DOP1A: variants seen among roughly 807,000 people sequenced by gnomAD.
DOP1A encodes protein DOP1A.
In DOP1A, 90 loss-of-function variants were observed where a neutral mutation model predicts 267.6. The observed-to-expected ratio is 0.34, with a 90% CI of 0.28 to 0.40. DOP1A has a LOEUF of 0.40. Among genes scored for constraint, DOP1A ranks in the 10% least tolerant of loss-of-function variants. The pLI is 1.00. For missense variants in DOP1A, 2,437 were observed against 2,900.4 expected (o/e 0.84, Z 3.67); for synonymous variants, 932 against 999.1 (o/e 0.93, Z 1.27).
chr6:83,152,418 T>A, intron 30 of DOP1A, 51 bp downstream of exon 30: 1 of 850,830 alleles, frequency 1.2e-6, no homozygotes, highest in Non-Finnish European at 1.7e-6. Flanking sequence ...GTTTCATTAT[T>A]AAAAATTAGC....
downstream of DOP1A, chr6:83,168,966 G>C (rs982238502): frequency 2.5e-6 from 3 of 1,204,898 alleles, no homozygotes; most frequent in African/African-American, 1.5e-5. Context: ...ACATAAAACT[G>C]TACAGTTAGT....
At chr6:83,075,972 CA>C (rs1439146371) in intron 1 of DOP1A, among the ~76,000 whole-genome samples, 1 of 151,476 alleles carries the variant, frequency 6.6e-6, no homozygotes, top group Non-Finnish European at 1.5e-5. Flanking sequence ...ACAATAAAAG[CA>C]AAAATAAAAA....
chr6:83,152,349 A>C lies in DOP1A; in HGVS notation c.6111A>C (p.Ala2037=), dbSNP rs779812421. ...NITPSVYSVH[A]LTLLSEVLAH... is the part of the protein sequence containing the mutation. The stretch of plus-strand genomic sequence containing the variant: ...CTCCTTCTGTATATAGTGTCCATGC[A>C]TTGACATTACTCTCTGAGGTAAATA... Residue 2037 remains alanine, a synonymous_variant, in exon 30 of 39, where the codon GCA becomes GCC. Transcript: ENST00000349129. 75 of 1,546,380 alleles carry C rather than the reference A, an allele frequency of 4.9e-5. No homozygotes were observed. In the Admixed American group the frequency reaches 1.4e-3, roughly 30 times the overall value.
intron 1 of DOP1A, among the ~76,000 whole-genome samples, chr6:83,093,863 G>C (rs371730050): frequency 6.6e-6 from 1 of 152,160 alleles, no homozygotes; most frequent in Non-Finnish European, 1.5e-5. Context: ...CCGAGATGGC[G>C]CCACTGCACT....
At chr6:83,099,722 A>G (rs1238975907) in intron 3 of DOP1A, among the ~76,000 whole-genome samples, 1 of 151,370 alleles carries the variant, frequency 6.6e-6, no homozygotes, top group Non-Finnish European at 1.5e-5. Flanking sequence ...ATACATATAT[A>G]TATATATATA....
rs1785712266 is a variant in DOP1A at position 83,072,090 on chromosome 6, C to T, written c.-147+4311C>T. Among the ~76,000 whole-genome samples the T allele has an allele frequency of 3.9e-5, 6 of 152,156 alleles. No homozygotes were observed. In the South Asian group the frequency reaches 1.2e-3, roughly 32 times the overall value. On this transcript the variant is annotated intron_variant, in intron 1 of 38. Transcript: ENST00000349129. ...CGAAGACATTTCTAGACTTTTTCCT[C>T]CTGAGATGACACCTTCTACTCTCCT...
chr6:83,089,241 A>G (rs1023990428), intron 1 of DOP1A, among the ~76,000 whole-genome samples: 5 of 152,200 alleles, frequency 3.3e-5, no homozygotes, highest in African/African-American at 1.2e-4. Context: ...CTCACTTTTT[A>G]TCACCATTTA....
At position 83,129,187 on chromosome 6, in the gene DOP1A, A is replaced by G; in HGVS notation, c.2020A>G (p.Met674Val). Residue 674 changes from methionine to valine, a missense_variant, in exon 16 of 39, where the codon ATG (methionine) becomes GTG (valine). Around this residue, in one of 9 missense-constraint regions of DOP1A, gnomAD observed 498 missense variants for 513.5 expected, o/e 0.97. Transcript: ENST00000349129. Reference protein sequence around the residue: ...RSRKTAQKTAMQCCLEYVQQF... With the variant: ...RSRKTAQKTAVQCCLEYVQQF... Reference sequence around the variant, plus strand: ...TAGGAAGACAGCCCAAAAGACTGCAATGCAGTGCTGCTTGGAGTATGTCCA... The same window carrying G: ...TAGGAAGACAGCCCAAAAGACTGCAGTGCAGTGCTGCTTGGAGTATGTCCA... 6.2e-7 allele frequency: 1 copy of G among 1,613,292 alleles called. No individual in the cohort carries two copies. Among genetic ancestry groups the G allele is most frequent in the Non-Finnish European group, 8.5e-7 (1 of 1,179,590 alleles).
At chr6:83,167,130 T>C (rs1177407368) in intron 38 of DOP1A, 2 of 945,102 alleles carry the variant, frequency 2.1e-6, no homozygotes, top group Admixed American at 6.2e-5. Flanking sequence ...ACCTTCTCAT[T>C]TGACTTCTCT....
At chr6:83,134,640 T>C (rs1778603124) in intron 19 of DOP1A, among the ~76,000 whole-genome samples, 1 of 152,144 alleles carries the variant, frequency 6.6e-6, no homozygotes, top group South Asian at 2.1e-4. Flanking sequence ...TCTCAAGCAA[T>C]TATTTTCAAT....
rs142953836 is a variant in DOP1A at position 83,140,465 on chromosome 6, A to G, written c.5415+62A>G. ...GTCTGAGGACCTTCCCAAAGATTAT[A>G]TTCAGAATATGTGAATAATTTGTGT... is the stretch of plus-strand genomic sequence containing the variant. On this transcript the variant is annotated intron_variant, in intron 23 of 38. Coordinates refer to ENST00000349129, the MANE Select transcript of DOP1A (RefSeq NM_015018.4). 1,201 of 1,274,908 alleles carry G rather than the reference A, an allele frequency of 9.4e-4. 1 individual carries two copies. Among genetic ancestry groups the G allele is most frequent in the Middle Eastern group, 1.7e-3 (9 of 5,162 alleles). 79.0% of individuals were successfully genotyped at this position (1,274,908 alleles called of 1,614,324 possible). A position where few individuals can be genotyped will look rare whatever the true frequency, so the allele number is the denominator to read the frequency against.
intron 33 of DOP1A, among the ~76,000 whole-genome samples, chr6:83,155,658 C>G (rs987655267): frequency 2.6e-5 from 4 of 152,132 alleles, no homozygotes; most frequent in African/African-American, 9.7e-5. Context: ...CAGATGGCCT[C>G]AAATATTAAA....
At chr6:83,151,810 A>T in intron 28 of DOP1A, 73 bp from the exon 29 acceptor site, 2 of 1,485,118 alleles carry the variant, frequency 1.3e-6, no homozygotes, top group East Asian at 2.3e-5. Flanking sequence ...ATTATCAGAA[A>T]TATAAACTAC....
downstream of DOP1A, chr6:83,170,421 G>C: frequency 6.2e-7 from 1 of 1,614,038 alleles, no homozygotes; most frequent in Non-Finnish European, 8.5e-7. Context: ...TGTAATCCTG[G>C]GGGTGTAACT....
At chr6:83,165,932 C>CTG in intron 38 of DOP1A, 1 of 387,242 alleles carries the variant, frequency 2.6e-6, no homozygotes, top group Non-Finnish European at 5.2e-6. Flanking sequence ...GTGGATCAGA[C>CTG]TGGCAGCAAA....
In DOP1A at chr6:83,153,929, A is replaced by G. The variant is rs1562374080; in HGVS notation, c.6275A>G (p.Gln2092Arg). The G allele has an allele frequency of 1.2e-6, 2 of 1,613,724 alleles. No individual in the cohort carries two copies. Among genetic ancestry groups the G allele is most frequent in the Non-Finnish European group, 1.7e-6 (2 of 1,179,926 alleles). Residue 2092 changes from glutamine to arginine, a missense_variant, in exon 32 of 39, where the codon CAG becomes CGG. By Grantham distance (43) the Gln-to-Arg change is conservative. Coordinates refer to ENST00000349129, the MANE Select transcript of DOP1A (RefSeq NM_015018.4). ...HNAPSYRACV[Q>R]LLSSLSGYQY... ...GCCCCTAGTTATCGAGCTTGTGTCC[A>G]GCTGCTCAGCAGTCTTAGTGGGTAT...
In DOP1A at chr6:83,168,226, C is replaced by T; in HGVS notation, c.*59C>T. ...AATGTAATTATTTAAAACACACACA[C>T]TGCTCTGCGTTGTATAGTTTTTCCT... On this transcript the variant is annotated 3_prime_UTR_variant, in exon 39 of 39. Transcript: ENST00000349129. 6.5e-7 allele frequency: 1 copy of T among 1,545,964 alleles called. No individual in the cohort carries two copies. The highest frequency in any genetic ancestry group is 8.7e-7 in the Non-Finnish European group (1 of 1,153,052).
chr6:83,070,445 A>G (rs186813460), intron 1 of DOP1A, among the ~76,000 whole-genome samples: 76 of 152,292 alleles, frequency 5.0e-4, no homozygotes, highest in African/African-American at 1.7e-3. Context: ...CAAATTTATT[A>G]AGGAAAAATT....
At position 83,152,430 on chromosome 6, in the gene DOP1A, A is replaced by C. The variant is rs1781874135; in HGVS notation, c.6129+63A>C. The C allele has an allele frequency of 6.9e-6, 5 of 721,340 alleles. No homozygotes were observed. In the South Asian group the frequency reaches 1.6e-4, roughly 23 times the overall value. 44.7% of individuals were successfully genotyped at this position (721,340 alleles called of 1,614,324 possible). On this transcript the variant is annotated intron_variant, in intron 30 of 38. Coordinates refer to ENST00000349129, the MANE Select transcript of DOP1A (RefSeq NM_015018.4). Reference sequence around the variant, plus strand: ...ACTGTTTCATTATTAAAAATTAGCAAGTAATTTTTATAGAGGAATTTCTAA... The same window carrying C: ...ACTGTTTCATTATTAAAAATTAGCACGTAATTTTTATAGAGGAATTTCTAA...
Sources: gnomAD v4.1 joint callset for allele counts (sites outside exome capture counted in the v4.1 genomes callset) on GRCh38, gnomAD v4.1.1 for gene constraint, gnomAD v4.1.1 regional missense constraint, MANE v1.5 for transcripts, NCBI Gene and HGNC (gene_info 2026-07-23, HGNC 2026-07-21) for gene names.